AVEN: variants seen among roughly 807,000 people sequenced by gnomAD.
The protein encoded by AVEN is cell death regulator Aven.
Under a neutral mutation model 38.1 loss-of-function variants are expected in AVEN, and 41 were observed. That is an observed-to-expected ratio of 1.08 (90% confidence interval 0.84 to 1.40). The LOEUF (loss-of-function observed/expected upper bound fraction) is 1.40. Among genes scored for constraint, AVEN ranks in the 40% most tolerant of loss-of-function variants. The pLI, the probability that AVEN is intolerant of heterozygous loss-of-function variation, is 0.00. For missense variants in AVEN, 605 were observed against 438.8 expected, an observed-to-expected ratio of 1.38 and a Z score of -3.38; for synonymous variants, 206 against 171.8, an observed-to-expected ratio of 1.20 and a Z score of -1.56.
chr15:34,052,247 C>A (rs1047542899), intron 5 of AVEN, among the ~76,000 whole-genome samples: 5 of 151,864 alleles, frequency 3.3e-5, no homozygotes, highest in East Asian at 3.8e-4. Context: ...AGAAAAAAAA[C>A]CACATGATTA....
At chr15:33,987,436 C>T (rs1420956265) in intron 2 of AVEN, among the ~76,000 whole-genome samples, 1 of 152,170 alleles carries the variant, frequency 6.6e-6, no homozygotes, top group Non-Finnish European at 1.5e-5. Flanking sequence ...CTCTTGCCTC[C>T]ACAGTGTTAG....
At chr15:33,961,787 T>C (rs1339035605) in intron 2 of AVEN, among the ~76,000 whole-genome samples, 1 of 112,424 alleles carries the variant, frequency 8.9e-6, no homozygotes, top group African/African-American at 3.6e-5. Context: ...CACTCCAGCC[T>C]GGGCGACAGA....
intron 4 of AVEN, chr15:34,064,755 C>G (rs956568451): frequency 3.0e-5 from 6 of 197,292 alleles, no homozygotes; most frequent in African/African-American, 1.4e-4. Flanking sequence ...TGAGAACCAG[C>G]AGGAGAATGT....
intron 2 of AVEN, among the ~76,000 whole-genome samples, chr15:33,961,890 T>TAACC (rs1285462321): frequency 6.8e-6 from 1 of 147,080 alleles, no homozygotes; most frequent in Non-Finnish European, 1.5e-5. Context: ...TGAACCAGTA[T>TAACC]AACCAAGAAA....
chr15:34,023,709 G>A (rs58866635), intron 1 of AVEN, among the ~76,000 whole-genome samples: 15,828 of 152,114 alleles, frequency 0.1, 1,021 homozygotes, highest in East Asian at 0.33. Context: ...AATCACGCCA[G>A]GCTTAAAAGG....
At chr15:33,873,104 T>C (rs1046859364) in intron 3 of AVEN, among the ~76,000 whole-genome samples, 3 of 138,280 alleles carry the variant, frequency 2.2e-5, no homozygotes, top group East Asian at 2.1e-4. Flanking sequence ...CTTTTTTTTT[T>C]TTTTTTTTTT....
At chr15:33,966,933 T>C (rs553228969) in intron 2 of AVEN, among the ~76,000 whole-genome samples, 1 of 152,154 alleles carries the variant, frequency 6.6e-6, no homozygotes, top group African/African-American at 2.4e-5. Flanking sequence ...ATTTGATAGA[T>C]TTTTACTTCT....
intron 3 of AVEN, among the ~76,000 whole-genome samples, chr15:33,871,552 G>C (rs542879227): frequency 5.9e-5 from 9 of 151,840 alleles, no homozygotes; most frequent in African/African-American, 1.4e-4. Context: ...TGAGCAACAA[G>C]AGTGAAACTC....
At chr15:33,911,134 AAGAC>A (rs1892902373) in intron 2 of AVEN, among the ~76,000 whole-genome samples, 1 of 152,152 alleles carries the variant, frequency 6.6e-6, no homozygotes, top group Non-Finnish European at 1.5e-5. Flanking sequence ...TATTCCTCTC[AAGAC>A]CAACTCCAGC....
At chr15:33,975,927 CAAAAGAAG>C (rs1287931306) in intron 2 of AVEN, among the ~76,000 whole-genome samples, 5 of 151,832 alleles carry the variant, frequency 3.3e-5, no homozygotes, top group Non-Finnish European at 7.4e-5. Flanking sequence ...GACTATGTCT[CAAAAGAAG>C]AAAAGAAAAG....
At chr15:33,932,866 A>AAATAAAT (rs1567420182) in intron 2 of AVEN, among the ~76,000 whole-genome samples, 18 of 54,630 alleles carry the variant, frequency 3.3e-4, no homozygotes, top group South Asian at 2.4e-3. Context: ...AATAAATAAA[A>AAATAAAT]ATTGTAGATC....
intron 2 of AVEN, among the ~76,000 whole-genome samples, chr15:33,920,994 T>G (rs1657079088): frequency 6.6e-6 from 1 of 152,180 alleles, no homozygotes; most frequent in South Asian, 2.1e-4. Flanking sequence ...CAGGCTAGTT[T>G]GGAACACCGG....
At chr15:34,035,407 A>G (rs546119764) in intron 1 of AVEN, among the ~76,000 whole-genome samples, 1 of 152,314 alleles carries the variant, frequency 6.6e-6, no homozygotes, top group South Asian at 2.1e-4. Flanking sequence ...CATGTGAAAG[A>G]ATCACTCAAC....
At chr15:33,963,044 C>T (rs1158428998) in intron 2 of AVEN, among the ~76,000 whole-genome samples, 1 of 151,026 alleles carries the variant, frequency 6.6e-6, no homozygotes, top group Non-Finnish European at 1.5e-5. Context: ...AAGAGAACAA[C>T]TCCTAACAGT....
At chr15:34,040,892 A>G (rs1194611974), upstream of AVEN, among the ~76,000 whole-genome samples, 5 of 106,888 alleles carry the variant, frequency 4.7e-5, no homozygotes, top group Non-Finnish European at 9.0e-5. Context: ...ACAGAAGGAG[A>G]CTGTCTAAAA....
At chr15:33,958,607 G>A (rs1270718870) in intron 2 of AVEN, among the ~76,000 whole-genome samples, 4 of 141,826 alleles carry the variant, frequency 2.8e-5, no homozygotes, top group African/African-American at 8.4e-5. Context: ...AAAAAAAAAA[G>A]GAAAAGAAAA....
rs55644009 is a variant in AVEN at position 34,031,678 on chromosome 15, T to C, written c.267+7102A>G. Among the ~76,000 whole-genome samples, 592 of 152,334 alleles carry C rather than the reference T, an allele frequency of 3.9e-3. 2 individuals are homozygous for C. Among genetic ancestry groups the C allele is most frequent in the Non-Finnish European group, 7.2e-3 (487 of 68,030 alleles). On this transcript the variant is annotated intron_variant, in intron 1 of 5. Transcript: ENST00000306730. ...GTGCTGTTTGCACACACACCAATGA[T>C]GTGATATGGGCGGTAGGAAACAGCA...
At chr15:34,047,279 G>A (rs997044243) in intron 5 of AVEN, among the ~76,000 whole-genome samples, 1 of 152,062 alleles carries the variant, frequency 6.6e-6, no homozygotes, top group African/African-American at 2.4e-5. Flanking sequence ...GGGTTTCACC[G>A]TGTTAGCCAG....
intron 2 of AVEN, among the ~76,000 whole-genome samples, chr15:33,975,014 A>G (rs1895823718): frequency 6.6e-6 from 1 of 152,160 alleles, no homozygotes; most frequent in South Asian, 2.1e-4. Flanking sequence ...TTGACATCCT[A>G]TCATGTTTTT....
Sources: allele counts gnomAD v4.1 joint callset (sites outside exome capture counted in the v4.1 genomes callset), GRCh38; gene constraint gnomAD v4.1.1; transcripts MANE v1.5; gene names NCBI Gene and HGNC (gene_info 2026-07-23, HGNC 2026-07-21).